SHKBP1: variants seen among roughly 807,000 people sequenced by gnomAD.
The protein encoded by SHKBP1 is SH3KBP1-binding protein 1.
A neutral mutation model predicts 83.9 loss-of-function variants in SHKBP1; 71 were observed. That is an observed-to-expected ratio of 0.85 (90% CI 0.70 to 1.03). The LOEUF is 1.03. SHKBP1 is among the 50% of genes least tolerant of loss of function. The pLI, the probability that SHKBP1 is intolerant of heterozygous loss-of-function variation, is 0.00. For synonymous variants in SHKBP1, 371 were observed against 398.0 expected (o/e 0.93, Z 0.81); for missense variants, 824 against 982.4 (o/e 0.84, Z 2.16).
At chr19:40,578,627 G>T in intron 6 of SHKBP1, 85 bp downstream of exon 6, 1 of 1,240,724 alleles carries the variant, frequency 8.1e-7, no homozygotes. Flanking sequence ...GGGTGCCTGT[G>T]CTGTGCGTCC....
At position 40,586,865 on chromosome 19, in the gene SHKBP1, G is replaced by T. The variant is rs1429897673; in HGVS notation, c.1257G>T (p.Gly419=). ...IVQHPETVGS[G]PQLFQTFTVH... is the part of the protein sequence containing the mutation. ...AGCACCCGGAGACTGTGGGCTCGGG[G>T]CCTCAGCTCTTCCAGACCTTCACTG... The change falls in exon 13 of 18, where the codon GGG becomes GGT. Residue 419 remains glycine (G), a synonymous_variant. Coordinates refer to ENST00000291842, the MANE Select transcript of SHKBP1 (RefSeq NM_138392.4). The T allele has an allele frequency of 6.2e-7, 1 of 1,613,038 alleles. No individual in the cohort carries two copies. Among genetic ancestry groups the T allele is most frequent in the Non-Finnish European group, 8.5e-7 (1 of 1,179,496 alleles).
chr19:40,583,701 C>T lies in SHKBP1; in HGVS notation c.1149C>T (p.Tyr383=), dbSNP rs780262085. ...AEDGVTALSV[Y]LTPKTSDSGN... Reference sequence around the variant, plus strand: ...ATGGGGTCACCGCCCTCAGTGTCTACCTCACCCCCAAGACCAGTAAGCTAT... The same window carrying T: ...ATGGGGTCACCGCCCTCAGTGTCTATCTCACCCCCAAGACCAGTAAGCTAT... The change falls in exon 12 of 18, where the codon TAC becomes TAT. Residue 383 remains tyrosine (Y), a synonymous_variant. Coordinates refer to ENST00000291842, the MANE Select transcript of SHKBP1 (RefSeq NM_138392.4). 10 of 1,613,704 alleles carry T rather than the reference C, an allele frequency of 6.2e-6. No homozygotes were observed. Among genetic ancestry groups the T allele is most frequent in the Non-Finnish European group, 7.6e-6 (9 of 1,179,706 alleles).
chr19:40,589,120 C>A lies in SHKBP1; in HGVS notation c.1531C>A (p.Gln511Lys). ...GCGGGACGACCAGCAAGTGTTCATC[C>A]AGAAGGTGGTGCCCAGTGCCAGCCA... ...GERDDQQVFI[Q>K]KVVPSASQLF... Residue 511 changes from glutamine (Q) to lysine (K), a missense_variant, in exon 15 of 18, where the codon CAG becomes AAG. Physicochemically the swap from Gln to Lys is moderately conservative, Grantham distance 53. Transcript: ENST00000291842. 3 of 1,613,546 alleles carry A rather than the reference C, an allele frequency of 1.9e-6. No individual in the cohort carries two copies. The highest frequency in any genetic ancestry group is 2.5e-6 in the Non-Finnish European group (3 of 1,180,008).
intron 13 of SHKBP1, among the ~76,000 whole-genome samples, chr19:40,587,748 T>A (rs2081323873): frequency 6.6e-6 from 1 of 152,012 alleles, no homozygotes; most frequent in Non-Finnish European, 1.5e-5. Context: ...AAAAAATTTT[T>A]AAAAAATTAG....
chr19:40,591,243 G>C lies in SHKBP1; in HGVS notation c.*36G>C, dbSNP rs1280752179. Reference sequence around the variant, plus strand: ...TGCCATGATGCCTTGGGATGCCCTGGTCCTGGGGGACTCAGGTGCCTCCCT... The same window carrying C: ...TGCCATGATGCCTTGGGATGCCCTGCTCCTGGGGGACTCAGGTGCCTCCCT... On this transcript the variant is annotated 3_prime_UTR_variant, in exon 18 of 18. Transcript: ENST00000291842. The C allele has an allele frequency of 6.6e-7, 1 of 1,518,662 alleles. No individual in the cohort carries two copies. Among genetic ancestry groups the C allele is most frequent in the East Asian group, 2.3e-5 (1 of 42,762 alleles). 94.1% of individuals were successfully genotyped at this position (1,518,662 alleles called of 1,614,324 possible).
Position 40,590,395 on chromosome 19 carries a change from G to A in SHKBP1, c.1741G>A (p.Ala581Thr), listed in dbSNP as rs536953428. 11 of 1,610,380 alleles carry A rather than the reference G, an allele frequency of 6.8e-6. No homozygotes were observed. The highest frequency in any genetic ancestry group is 3.3e-5 in the South Asian group (3 of 90,802). ...GSLAMWDLTT[A>T]MDGLGQAPAG... ...CTTGGCCATGTGGGACCTAACCACCGCCATGGACGGCCTCGGCCAGGCCCC... is the reference window on the plus strand; with the variant it reads ...CTTGGCCATGTGGGACCTAACCACCACCATGGACGGCCTCGGCCAGGCCCC... Residue 581 changes from alanine to threonine, a missense_variant, in exon 16 of 18, where the codon GCC becomes ACC. Physicochemically the swap from Ala to Thr is moderately conservative, Grantham distance 58. This residue lies in a region of SHKBP1 where 287 missense variants were observed against 322.9 expected (regional missense o/e 0.89). Coordinates refer to ENST00000291842, the MANE Select transcript of SHKBP1 (RefSeq NM_138392.4). The surrounding 1 kb of genome is among the most constrained non-coding windows in gnomAD (Gnocchi z 4.6).
At chr19:40,587,018 T>C in intron 13 of SHKBP1, 74 bp downstream of exon 13, 1 of 1,376,992 alleles carries the variant, frequency 7.3e-7, no homozygotes, top group Non-Finnish European at 9.9e-7. Flanking sequence ...AGGATGAGAA[T>C]TTCCACTGGG....
chr19:40,582,548 C>T, intron 10 of SHKBP1, 82 bp downstream of exon 10: 1 of 1,146,770 alleles, frequency 8.7e-7, no homozygotes. Context: ...CGTCTGCCCC[C>T]ACCCCCACCC....
intron 12 of SHKBP1, among the ~76,000 whole-genome samples, chr19:40,584,550 G>C (rs977582999): frequency 6.6e-6 from 1 of 152,076 alleles, no homozygotes; most frequent in Non-Finnish European, 1.5e-5. Context: ...CATCACCCCC[G>C]TAAGAAACCC....
intron 4 of SHKBP1, 152 bp downstream of exon 4, chr19:40,577,782 C>T (rs1466453026): frequency 1.1e-6 from 1 of 940,718 alleles, no homozygotes; most frequent in East Asian, 2.6e-5. Context: ...TTGCTCACGC[C>T]TGTAATCCCA....
intron 6 of SHKBP1, 25 bp from the exon 7 acceptor site, chr19:40,580,299 A>G (rs1466486324): frequency 6.3e-7 from 1 of 1,597,834 alleles, no homozygotes; most frequent in Non-Finnish European, 8.6e-7. Context: ...AATGACTGTT[A>G]CTCTACCTCT....
chr19:40,586,187 C>G (rs1363614078), intron 12 of SHKBP1, among the ~76,000 whole-genome samples: 1 of 151,898 alleles, frequency 6.6e-6, no homozygotes, highest in Non-Finnish European at 1.5e-5. Flanking sequence ...TTTACTTTCT[C>G]TTTCCTCTCT....
chr19:40,588,593 C>A (rs780823887), intron 13 of SHKBP1, 31 bp from the exon 14 acceptor site: 5 of 1,613,446 alleles, frequency 3.1e-6, no homozygotes, highest in East Asian at 2.2e-5. Flanking sequence ...CTGCACCAGG[C>A]CTGACTTCCT....
chr19:40,584,082 C>G (rs2081292385), intron 12 of SHKBP1, among the ~76,000 whole-genome samples: 1 of 152,106 alleles, frequency 6.6e-6, no homozygotes, highest in African/African-American at 2.4e-5. Context: ...CTCAGATGAT[C>G]CTCCCGCCTC....
At chr19:40,579,646 G>C (rs2081250226) in intron 6 of SHKBP1, among the ~76,000 whole-genome samples, 1 of 152,196 alleles carries the variant, frequency 6.6e-6, no homozygotes, top group Non-Finnish European at 1.5e-5. Flanking sequence ...CTGGGTGACA[G>C]AGCGAGATGC....
intron 13 of SHKBP1, among the ~76,000 whole-genome samples, chr19:40,587,255 C>A (rs2145992939): frequency 6.6e-6 from 1 of 152,258 alleles, no homozygotes; most frequent in South Asian, 2.1e-4. Context: ...CCTCGTGGAG[C>A]TGACATTCTA....
chr19:40,583,543 A>G lies in SHKBP1; in HGVS notation c.1048+58A>G, dbSNP rs2081287431. ...ACCCTCCCCTGGGAGAGGGGAAGGG[A>G]GGGAGAGAGGCTGGGGCACTTGGAA... On this transcript the variant is annotated intron_variant, in intron 11 of 17. Transcript: ENST00000291842. The G allele has an allele frequency of 6.2e-6, 10 of 1,610,732 alleles. 1 individual carries two copies. Among genetic ancestry groups the G allele is most frequent in the East Asian group, 4.5e-5 (2 of 44,816 alleles).
intron 9 of SHKBP1, among the ~76,000 whole-genome samples, 180 bp from the exon 10 acceptor site, chr19:40,582,171 C>T (rs1285919089): frequency 6.6e-6 from 1 of 152,174 alleles, no homozygotes; most frequent in African/African-American, 2.4e-5. Context: ...ATCCGCCCAC[C>T]TGAGCCTCTC....
At chr19:40,577,791 C>A in intron 4 of SHKBP1, 161 bp downstream of exon 4, 1 of 882,672 alleles carries the variant, frequency 1.1e-6, no homozygotes, top group Non-Finnish European at 1.8e-6. Flanking sequence ...CCTGTAATCC[C>A]AACACTTTGG....
Sources: gnomAD v4.1 joint callset for allele counts (sites outside exome capture counted in the v4.1 genomes callset) on GRCh38, gnomAD v4.1.1 for gene constraint, gnomAD v4.1.1 regional missense constraint, Gnocchi (gnomAD v3.1) non-coding constraint, MANE v1.5 for transcripts, NCBI Gene and HGNC (gene_info 2026-07-23, HGNC 2026-07-21) for gene names.